The following SNAPC4 variants were observed in gnomAD, a reference collection of about 807,000 sequenced individuals.
SNAPC4 encodes the protein small nuclear RNA activating complex polypeptide 4.
SNAPC4 carries 127 observed loss-of-function variants against 151.3 expected under a neutral mutation model. The ratio of observed to expected loss-of-function variants is 0.84; its 90% CI spans 0.73 to 0.97. The LOEUF is 0.97. Among genes scored for constraint, SNAPC4 ranks in the 50% least tolerant of loss-of-function variants. The probability of loss-of-function intolerance (pLI) is 0.00; values close to 1 mark genes in which losing one functional copy is unlikely to be tolerated. For missense variants in SNAPC4, 2,186 were observed against 1,935.0 expected (o/e 1.13, Z -2.43); for synonymous variants, 1,002 against 824.4 (o/e 1.22, Z -3.69).
chr9:136,387,036 C>T (rs1439041228), intron 13 of SNAPC4, among the ~76,000 whole-genome samples: 3 of 152,354 alleles, frequency 2.0e-5, no homozygotes, highest in East Asian at 1.9e-4. Flanking sequence ...TGAGCCACTG[C>T]GCCCAGCTTC....
chr9:136,380,801 T>C lies in SNAPC4; in HGVS notation c.2438A>G (p.Lys813Arg). Residue 813 changes from lysine (K) to arginine (R), a missense_variant, in exon 20 of 24, where the codon AAG becomes AGG. Transcript: ENST00000684778. The stretch of plus-strand genomic sequence containing the variant: ...CTGGGGCAGCCTGGGTGGCAGGGCC[T>C]TCCTCTCTCGGACGACCTCCAAGCA... Reference protein sequence around the residue: ...AGCLEVVRERKALPPRLPQAG... With the variant: ...AGCLEVVRERRALPPRLPQAG... 1 of 1,612,028 alleles carries C rather than the reference T, an allele frequency of 6.2e-7. No homozygotes were observed.
At position 136,394,398 on chromosome 9, in the gene SNAPC4, G is replaced by T. The variant is rs117809843; in HGVS notation, c.551-68C>A. The T allele has an allele frequency of 8.1e-5, 114 of 1,407,290 alleles. 2 individuals carry two copies. The East Asian group carries it at 1.5e-3, about 19-fold the overall frequency. The allele number at this position is 1,407,290 out of a possible 1,614,324, so 87.2% of individuals were successfully genotyped here. A position where few individuals can be genotyped will look rare whatever the true frequency, so the allele number is the denominator to read the frequency against. On this transcript the variant is annotated intron_variant, in intron 6 of 23. Coordinates refer to ENST00000684778, the MANE Select transcript of SNAPC4 (RefSeq NM_003086.4). The stretch of plus-strand genomic sequence containing the variant: ...CTCCACGGCCCAGCCCCCACGGTTG[G>T]TGTGCACTTCCCGAGGCAGTGGTGG...
chr9:136,390,757 C>T lies in SNAPC4; in HGVS notation c.975+1185G>A, dbSNP rs547417585. ...CAAAAAAGAAAAAAAGAAAGCAGAC[C>T]CCGATTAAAAAAAGTTATGTGTACC... On this transcript the variant is annotated intron_variant, in intron 10 of 23. Coordinates refer to ENST00000684778, the MANE Select transcript of SNAPC4 (RefSeq NM_003086.4). Among the ~76,000 whole-genome samples the T allele has an allele frequency of 3.3e-5, 5 of 151,372 alleles. No homozygotes were observed. In the East Asian group the frequency reaches 7.7e-4, roughly 23 times the overall value.
In SNAPC4 at chr9:136,395,586, G is replaced by T. The variant is rs1295705100; in HGVS notation, c.345+17C>A. Reference sequence around the variant, plus strand: ...GGTGGGGAGGTGTGGGCACCGGGGGGCCGAGGCCCATCCCACCTGCTGCTC... The same window carrying T: ...GGTGGGGAGGTGTGGGCACCGGGGGTCCGAGGCCCATCCCACCTGCTGCTC... On this transcript the variant is annotated intron_variant, in intron 4 of 23. Coordinates refer to ENST00000684778, the MANE Select transcript of SNAPC4 (RefSeq NM_003086.4). The T allele has an allele frequency of 6.2e-7, 1 of 1,603,576 alleles. No homozygotes were observed. The highest frequency in any genetic ancestry group is 2.2e-5 in the East Asian group (1 of 44,720).
chr9:136,377,564 C>A lies in SNAPC4; in HGVS notation c.4263G>T (p.Thr1421=). 3 of 1,517,584 alleles carry A rather than the reference C, an allele frequency of 2.0e-6. No homozygotes were observed. The highest frequency in any genetic ancestry group is 2.7e-6 in the Non-Finnish European group (3 of 1,131,906). 94.0% of individuals were successfully genotyped at this position (1,517,584 alleles called of 1,614,324 possible). The change falls in exon 22 of 24, where the codon ACG becomes ACT. Residue 1421 remains threonine, a synonymous_variant. Coordinates refer to ENST00000684778, the MANE Select transcript of SNAPC4 (RefSeq NM_003086.4). Reference sequence around the variant, plus strand: ...CTACCTGAATGGGGCATGTGGCTGTCGTGCAGCCCGGCTGCCCGTCCCTGT... The same window carrying A: ...CTACCTGAATGGGGCATGTGGCTGTAGTGCAGCCCGGCTGCCCGTCCCTGT... ...LADRDGQPGC[T]TATCPIQGAP...
At chr9:136,396,379 C>T (rs1042742517) in intron 3 of SNAPC4, among the ~76,000 whole-genome samples, 8 of 152,238 alleles carry the variant, frequency 5.3e-5, no homozygotes, top group African/African-American at 1.9e-4. Context: ...TAATCACTGG[C>T]CTCACAGAGC....
intron 10 of SNAPC4, among the ~76,000 whole-genome samples, chr9:136,389,418 A>G (rs1833995356): frequency 6.6e-6 from 1 of 152,030 alleles, no homozygotes; most frequent in Admixed American, 6.5e-5. Flanking sequence ...GGGCACGCAG[A>G]GCTGGATGTG....
intron 9 of SNAPC4, 51 bp from the exon 10 acceptor site, chr9:136,392,157 C>G: frequency 6.3e-7 from 1 of 1,599,986 alleles, no homozygotes; most frequent in Non-Finnish European, 8.5e-7. Context: ...CCAGGGGCAC[C>G]CTAGACGCAG....
intron 10 of SNAPC4, 89 bp downstream of exon 10, chr9:136,391,853 G>A (rs937869085): frequency 6.2e-5 from 87 of 1,408,258 alleles, no homozygotes; most frequent in Middle Eastern, 2.5e-4. Flanking sequence ...GTGAGCACTG[G>A]GGACCCCGCA....
intron 10 of SNAPC4, among the ~76,000 whole-genome samples, chr9:136,389,414 G>A (rs963124983): frequency 5.9e-5 from 9 of 152,146 alleles, no homozygotes; most frequent in South Asian, 2.1e-4. Flanking sequence ...CAGAGGGCAC[G>A]CAGAGCTGGA....
chr9:136,376,401 T>C lies in SNAPC4; in HGVS notation c.4365A>G (p.Arg1455=). The part of the protein sequence containing the change: ...SNDPDDLDVL[R]TRHARHTRKR... Reference sequence around the variant, plus strand: ...TCCGGGTGTGCCTGGCATGCCGGGTTCTGAGCACGTCCAGGTCGTCAGGGT... The same window carrying C: ...TCCGGGTGTGCCTGGCATGCCGGGTCCTGAGCACGTCCAGGTCGTCAGGGT... The change falls in exon 23 of 24, where the codon AGA becomes AGG. Residue 1455 remains arginine (R), a synonymous_variant. Transcript: ENST00000684778. 6.2e-7 allele frequency: 1 copy of C among 1,613,452 alleles called. No homozygotes were observed. Among genetic ancestry groups the C allele is most frequent in the Non-Finnish European group, 8.5e-7 (1 of 1,179,960 alleles).
At chr9:136,400,068 CT>C (rs1335334018) in intron 1 of SNAPC4, 65 bp downstream of exon 1, 1 of 152,140 alleles carries the variant, frequency 6.6e-6, no homozygotes, top group African/African-American at 2.4e-5. Flanking sequence ...ACAGCGCCCC[CT>C]CCACGGGGAG....
At chr9:136,395,889 A>G in intron 3 of SNAPC4, 119 bp from the exon 4 acceptor site, 1 of 997,624 alleles carries the variant, frequency 1.0e-6, no homozygotes. Context: ...GCATAGCAAC[A>G]CCCAATGTGG....
intron 19 of SNAPC4, 77 bp downstream of exon 19, chr9:136,381,245 T>C: frequency 1.8e-6 from 2 of 1,114,934 alleles, no homozygotes; most frequent in Non-Finnish European, 2.7e-6. Context: ...AAGGAATGAA[T>C]CTACTGCAGA....
chr9:136,397,851 T>C (rs1162748281), intron 2 of SNAPC4, among the ~76,000 whole-genome samples: 1 of 151,946 alleles, frequency 6.6e-6, no homozygotes, highest in African/African-American at 2.4e-5. Flanking sequence ...GGTTCAGGCC[T>C]GCCCCCTCCT....
Position 136,383,193 on chromosome 9 carries a change from GC to G in SNAPC4, c.1975del (p.Ala659ProfsTer9), listed in dbSNP as rs1176286511. The G allele has an allele frequency of 6.5e-7, 1 of 1,536,952 alleles. No individual in the cohort carries two copies. ...DTRPAGAEKQ[A>X]LEGGRRLLTV... ...CCCAGGGCCGGGGCCTACCTCCAGG[GC>G]CTGCTTCTCTGCGCCCGCCGGGCGA... On this transcript the variant is annotated frameshift_variant, in exon 16 of 24. Coordinates refer to ENST00000684778, the MANE Select transcript of SNAPC4 (RefSeq NM_003086.4). LOFTEE classifies it high-confidence loss of function. This position sits in a 1 kb window ranked among gnomAD's most constrained non-coding sequence, Gnocchi z 4.2.
At position 136,394,863 on chromosome 9, in the gene SNAPC4, C is replaced by G. The variant is rs777589064; in HGVS notation, c.487G>C (p.Glu163Gln). ...KVTGVGPPAN[E>Q]DTREKAAQGI... ...TGGGCAGCCTTCTCTCGTGTGTCCTCGTTGGCAGGTGGCCCCTGTCAGGGT... is the reference window on the plus strand; with the variant it reads ...TGGGCAGCCTTCTCTCGTGTGTCCTGGTTGGCAGGTGGCCCCTGTCAGGGT... The change falls in exon 6 of 24, where the codon GAG becomes CAG. Residue 163 changes from glutamate to glutamine, a missense_variant. Coordinates refer to ENST00000684778, the MANE Select transcript of SNAPC4 (RefSeq NM_003086.4). The G allele has an allele frequency of 1.2e-6, 2 of 1,613,712 alleles. No individual in the cohort carries two copies. The highest frequency in any genetic ancestry group is 1.7e-6 in the Non-Finnish European group (2 of 1,179,960).
At position 136,378,099 on chromosome 9, in the gene SNAPC4, C is replaced by A; in HGVS notation, c.3728G>T (p.Arg1243Leu). 3.8e-6 allele frequency: 6 copies of A among 1,589,394 alleles called. No individual in the cohort carries two copies. Among genetic ancestry groups the A allele is most frequent in the Non-Finnish European group, 5.1e-6 (6 of 1,169,078 alleles). Residue 1243 changes from arginine to leucine, a missense_variant, in exon 22 of 24, where the codon CGC becomes CTC. Transcript: ENST00000684778. ...GGCCCCCTTCTCAGGCCCAGGCTGG[C>A]GCAGGGGCAGCTTCTCCAGGCCCAG... ...GPLGLEKLPL[R>L]QPGPEKGALD...
chr9:136,389,909 G>T (rs1381388066), intron 10 of SNAPC4, among the ~76,000 whole-genome samples: 2 of 152,204 alleles, frequency 1.3e-5, no homozygotes, highest in African/African-American at 4.8e-5. Flanking sequence ...CCTGGAAGGA[G>T]AAAGAATCTG....
Sources: gnomAD v4.1 joint callset for allele counts (sites outside exome capture counted in the v4.1 genomes callset) on GRCh38, gnomAD v4.1.1 for gene constraint, Gnocchi (gnomAD v3.1) non-coding constraint, MANE v1.5 for transcripts, NCBI Gene and HGNC (gene_info 2026-07-23, HGNC 2026-07-21) for gene names.